Variants in ZFAND3 observed in about 807,000 individuals in gnomAD.
The protein encoded by ZFAND3 is AN1-type zinc finger protein 3.
In ZFAND3, 10 loss-of-function variants were observed where a neutral mutation model predicts 29.6. The ratio of observed to expected loss-of-function variants is 0.34; its 90% CI spans 0.21 to 0.57. ZFAND3 has a LOEUF of 0.57. ZFAND3 is among the 20% of genes least tolerant of loss of function. The pLI is 0.86. For synonymous variants in ZFAND3, 128 were observed against 112.6 expected, an observed-to-expected ratio of 1.14 and a Z score of -0.87; for missense variants, 230 against 304.5, an observed-to-expected ratio of 0.76 and a Z score of 1.82.
At chr6:38,023,944 A>G (rs1044170751) in intron 2 of ZFAND3, among the ~76,000 whole-genome samples, 9 of 151,638 alleles carry the variant, frequency 5.9e-5, no homozygotes, top group Non-Finnish European at 5.9e-5. Context: ...GGTTGAGCCC[A>G]GGAGGTCAAA....
chr6:37,893,074 T>C (rs1330217664), intron 1 of ZFAND3, among the ~76,000 whole-genome samples: 1 of 151,860 alleles, frequency 6.6e-6, no homozygotes, highest in Non-Finnish European at 1.5e-5. Flanking sequence ...CACACACACG[T>C]TTAGGAGGAA....
chr6:38,113,208 C>T (rs1029584896), intron 4 of ZFAND3, among the ~76,000 whole-genome samples: 3 of 152,210 alleles, frequency 2.0e-5, no homozygotes, highest in African/African-American at 7.2e-5. Context: ...GCTTTAGAAT[C>T]ATCTAGCATT....
chr6:37,840,435 T>C (rs929182415), intron 1 of ZFAND3, among the ~76,000 whole-genome samples: 1 of 152,258 alleles, frequency 6.6e-6, no homozygotes, highest in East Asian at 1.9e-4. Context: ...TATGCCAATG[T>C]CACACTGTCT....
At chr6:38,135,917 C>T (rs1765834108) in intron 5 of ZFAND3, among the ~76,000 whole-genome samples, 1 of 152,136 alleles carries the variant, frequency 6.6e-6, no homozygotes, top group Non-Finnish European at 1.5e-5. Context: ...GGTATTAAGG[C>T]AGTCATAGCT....
At chr6:38,084,750 T>G (rs142578505) in intron 4 of ZFAND3, among the ~76,000 whole-genome samples, 5 of 152,326 alleles carry the variant, frequency 3.3e-5, no homozygotes, top group African/African-American at 1.2e-4. Flanking sequence ...TACCTACCTC[T>G]TAACTAGAAA....
intron 1 of ZFAND3, among the ~76,000 whole-genome samples, chr6:37,887,309 T>G (rs1392529620): frequency 2.0e-5 from 3 of 152,214 alleles, no homozygotes; most frequent in African/African-American, 7.2e-5. Context: ...TCTTGGCATA[T>G]GTAAGAATTT....
intron 1 of ZFAND3, among the ~76,000 whole-genome samples, chr6:37,836,560 T>G (rs1763972414): frequency 1.3e-5 from 2 of 152,326 alleles, no homozygotes; most frequent in South Asian, 4.1e-4. Context: ...CTAGAAGAAC[T>G]TGAGTAATGC....
intron 1 of ZFAND3, among the ~76,000 whole-genome samples, chr6:37,873,197 G>A (rs1447779659): frequency 6.6e-5 from 10 of 152,234 alleles, no homozygotes; most frequent in Admixed American, 5.2e-4. Context: ...TGTGAACCCG[G>A]GAGGCGAAGC....
intron 1 of ZFAND3, among the ~76,000 whole-genome samples, chr6:37,830,367 A>G (rs1196588473): frequency 1.3e-5 from 2 of 152,222 alleles, no homozygotes; most frequent in Non-Finnish European, 2.9e-5. Flanking sequence ...AGGTGGTCTC[A>G]TCTGTAAGGC....
At position 37,819,985 on chromosome 6, in the gene ZFAND3, C is replaced by T. The variant is rs1044768246; in HGVS notation, c.40C>T (p.Leu14=). The change falls in exon 1 of 6, where the codon CTG becomes TTG. Residue 14 remains leucine (L), a synonymous_variant. Transcript: ENST00000287218. The part of the protein sequence containing the change: ...AGSERSKAPS[L]PPRCPCGFWG... ...GAGCGAGCGCAGCAAAGCGCCCAGC[C>T]TGCCGCCTCGCTGTCCCTGCGGCTT... The T allele has an allele frequency of 1.3e-5, 16 of 1,222,222 alleles. No individual in the cohort carries two copies. The East Asian group carries it at 3.3e-4, about 25-fold the overall frequency. The allele number at this position is 1,222,222 out of a possible 1,614,324, so 75.7% of individuals were successfully genotyped here.
chr6:37,880,486 G>A (rs1301373348), intron 1 of ZFAND3, among the ~76,000 whole-genome samples: 1 of 152,164 alleles, frequency 6.6e-6, no homozygotes, highest in Non-Finnish European at 1.5e-5. Flanking sequence ...ACTAGAATGA[G>A]CCAGTTGGAA....
intron 3 of ZFAND3, among the ~76,000 whole-genome samples, chr6:38,073,447 G>A (rs953465147): frequency 1.3e-5 from 2 of 152,040 alleles, no homozygotes; most frequent in South Asian, 2.1e-4. Flanking sequence ...TCTAGAAATC[G>A]GAGTTGAGCC....
chr6:38,117,765 C>G (rs1765449894), intron 5 of ZFAND3, among the ~76,000 whole-genome samples: 1 of 152,164 alleles, frequency 6.6e-6, no homozygotes, highest in African/African-American at 2.4e-5. Context: ...CTAAATAGTT[C>G]ACTCAGCAGT....
intron 1 of ZFAND3, among the ~76,000 whole-genome samples, chr6:37,877,580 G>C (rs1022414660): frequency 6.6e-6 from 1 of 152,188 alleles, no homozygotes; most frequent in African/African-American, 2.4e-5. Context: ...TTCTAGTTTA[G>C]CACTGAGCAA....
At chr6:37,955,294 A>G (rs1414484553) in intron 2 of ZFAND3, among the ~76,000 whole-genome samples, 1 of 152,156 alleles carries the variant, frequency 6.6e-6, no homozygotes, top group Non-Finnish European at 1.5e-5. Context: ...CTAGAAGTGG[A>G]AGTCCTCCAG....
intron 2 of ZFAND3, among the ~76,000 whole-genome samples, chr6:38,007,477 C>T (rs998237684): frequency 2.6e-5 from 4 of 151,966 alleles, no homozygotes; most frequent in Non-Finnish European, 4.4e-5. Context: ...CCTAGGAGGT[C>T]GAGGCCACAG....
At chr6:37,821,462 T>C (rs1371024242) in intron 1 of ZFAND3, among the ~76,000 whole-genome samples, 1 of 152,242 alleles carries the variant, frequency 6.6e-6, no homozygotes, top group Non-Finnish European at 1.5e-5. Context: ...CCCACAAGAA[T>C]CTTGCGAGGT....
chr6:37,991,664 C>A (rs555640061), intron 2 of ZFAND3, among the ~76,000 whole-genome samples: 1 of 152,274 alleles, frequency 6.6e-6, no homozygotes, highest in South Asian at 2.1e-4. Flanking sequence ...TCACTTGCCC[C>A]TGTGTTTCTG....
At chr6:38,080,442 T>A (rs1255978468) in intron 3 of ZFAND3, among the ~76,000 whole-genome samples, 2 of 152,134 alleles carry the variant, frequency 1.3e-5, no homozygotes, top group Admixed American at 1.3e-4. Flanking sequence ...TGATTCTTGA[T>A]CCTTGGGAAC....
Sources: allele counts gnomAD v4.1 joint callset (sites outside exome capture counted in the v4.1 genomes callset), GRCh38; gene constraint gnomAD v4.1.1; transcripts MANE v1.5; gene names NCBI Gene and HGNC (gene_info 2026-07-23, HGNC 2026-07-21).